Variants in IQCN observed in about 807,000 individuals in gnomAD.
The protein encoded by IQCN is IQ motif containing N.
A neutral mutation model predicts 64.4 loss-of-function variants in IQCN; 46 were observed. The ratio of observed to expected loss-of-function variants is 0.71; its 90% confidence interval spans 0.56 to 0.91. The LOEUF is 0.91. Ranked by LOEUF, IQCN falls within the 40% of genes least tolerant of loss-of-function variation. The pLI is 0.00. For synonymous variants in IQCN, 733 were observed against 775.6 expected, an observed-to-expected ratio of 0.95 and a Z score of 0.91; for missense variants, 1,753 against 1,857.4, an observed-to-expected ratio of 0.94 and a Z score of 1.03.
chr19:18,257,484 A>T lies in IQCN; in HGVS notation c.3800T>A (p.Val1267Glu). The change falls in exon 4 of 4, where the codon GTG (valine) becomes GAG (glutamate). Residue 1267 changes from valine to glutamate, a missense_variant. Physicochemically the swap from Val to Glu is moderately radical, Grantham distance 121. Coordinates refer to ENST00000392413, the MANE Select transcript of IQCN (RefSeq NM_001145304.2). Reference protein sequence around the residue: ...HTCGRTQPTRVVQGMGQGTEG... With the variant: ...HTCGRTQPTREVQGMGQGTEG... Reference sequence around the variant, plus strand: ...AGTGCCCTGGCCCATGCCCTGCACCACACGGGTGGGCTGTGTGCGTCCACA... The same window carrying T: ...AGTGCCCTGGCCCATGCCCTGCACCTCACGGGTGGGCTGTGTGCGTCCACA... The T allele has an allele frequency of 6.2e-7, 1 of 1,608,548 alleles. No homozygotes were observed. Among genetic ancestry groups the T allele is most frequent in the Non-Finnish European group, 8.5e-7 (1 of 1,177,730 alleles).
At chr19:18,258,324 A>T (rs1969359293) in intron 3 of IQCN, 1 of 702,964 alleles carries the variant, frequency 1.4e-6, no homozygotes, top group Non-Finnish European at 2.6e-6. Context: ...GACGGGCCTT[A>T]CCTCTGCAGA....
At position 18,257,216 on chromosome 19, in the gene IQCN, C is replaced by T. The variant is rs150406185; in HGVS notation, c.4068G>A (p.Ser1356=). ...GCCAATGCATGTGCCGTGAGCTGGC[C>T]GAGGGGTCTGCTGGTCCCAAGAGCG... ...TEALLGPADP[S]ASSRHMHWPG... is the part of the protein sequence containing the mutation. The change falls in exon 4 of 4, where the codon TCG becomes TCA. Residue 1356 remains serine, a synonymous_variant. Coordinates refer to ENST00000392413, the MANE Select transcript of IQCN (RefSeq NM_001145304.2). 2.3e-5 allele frequency: 37 copies of T among 1,613,594 alleles called. No homozygotes were observed. The highest frequency in any genetic ancestry group is 5.3e-5 in the African/African-American group (4 of 75,072).
intron 3 of IQCN, chr19:18,258,711 C>T (rs1969367467): frequency 9.2e-6 from 3 of 324,642 alleles, no homozygotes; most frequent in Admixed American, 4.3e-5. Flanking sequence ...AGTACTGCCA[C>T]GGGCCAGCTG....
rs1281051617 is a variant in IQCN, at chr19:18,265,607, G to A, written c.1933C>T (p.Pro645Ser). ...ATGTCTACAGGCACATACACGTGAG[G>A]TGGCTTGTCCCCTTCCTCAGCAACT... ...TKVAEEGDKP[P>S]HVYVPVDMAV... is the part of the protein sequence containing the mutation. Residue 645 changes from proline (P) to serine (S), a missense_variant, in exon 3 of 4, where the codon CCT becomes TCT. By Grantham distance (74) the Pro-to-Ser change is moderately conservative. Transcript: ENST00000392413. The surrounding 1 kb of genome is among the most constrained non-coding windows in gnomAD (Gnocchi z 4.7). 1.2e-6 allele frequency: 2 copies of A among 1,613,972 alleles called. No homozygotes were observed. Among genetic ancestry groups the A allele is most frequent in the South Asian group, 1.1e-5 (1 of 91,078 alleles).
At position 18,257,451 on chromosome 19, in the gene IQCN, G is replaced by A. The variant is rs1969320683; in HGVS notation, c.3833C>T (p.Pro1278Leu). The change falls in exon 4 of 4, where the codon CCC (proline) becomes CTC (leucine). Residue 1278 changes from proline (P) to leucine (L), a missense_variant. Physicochemically the swap from Pro to Leu is moderately conservative, Grantham distance 98. Coordinates refer to ENST00000392413, the MANE Select transcript of IQCN (RefSeq NM_001145304.2). ...VQGMGQGTEGPGAVSWASAYQ... is the reference protein window; with the variant it reads ...VQGMGQGTEGLGAVSWASAYQ... ...GGCGGAGGCCCAAGACACTGCCCCG[G>A]GGCCCTCAGTGCCCTGGCCCATGCC... 2 of 1,608,630 alleles carry A rather than the reference G, an allele frequency of 1.2e-6. No individual in the cohort carries two copies. The highest frequency in any genetic ancestry group is 1.7e-6 in the Non-Finnish European group (2 of 1,178,350).
At chr19:18,269,376 A>T in intron 2 of IQCN, 90 bp downstream of exon 2, 1 of 1,370,496 alleles carries the variant, frequency 7.3e-7, no homozygotes, top group Admixed American at 1.7e-5. Context: ...ACCCTGATGC[A>T]TAGCCTGGAG....
Position 18,257,953 on chromosome 19 carries a change from C to T in IQCN, c.3331G>A (p.Glu1111Lys). Residue 1111 changes from glutamate to lysine, a missense_variant, in exon 4 of 4, where the codon GAG becomes AAG. Transcript: ENST00000392413. The part of the protein sequence containing the change: ...EPMVSMQAAE[E>K]IRILAVITIQ... The stretch of plus-strand genomic sequence containing the variant: ...GTGATCACTGCGAGGATGCGGATCT[C>T]CTCTGCAGCCTGCATGGACACCATT... 1.2e-6 allele frequency: 2 copies of T among 1,612,906 alleles called. No individual in the cohort carries two copies. The highest frequency in any genetic ancestry group is 1.1e-5 in the South Asian group (1 of 91,082).
chr19:18,266,021 G>T lies in IQCN; in HGVS notation c.1519C>A (p.Gln507Lys). The T allele has an allele frequency of 1.2e-6, 2 of 1,614,184 alleles. No individual in the cohort carries two copies. The highest frequency in any genetic ancestry group is 1.3e-5 in the African/African-American group (1 of 75,052). The change falls in exon 3 of 4, where the codon CAG (glutamine) becomes AAG (lysine). Residue 507 changes from glutamine (Q) to lysine (K), a missense_variant. By Grantham distance (53) the Gln-to-Lys change is moderately conservative (BLOSUM62 1). Coordinates refer to ENST00000392413, the MANE Select transcript of IQCN (RefSeq NM_001145304.2). This position sits in a 1 kb window ranked among gnomAD's most constrained non-coding sequence, Gnocchi z 4.3. ...AGGATGGTGGCCACCGAGCGTAACT[G>T]GGCTGGGGTCTTGGTTATCATGGCT... ...LPAMITKTPA[Q>K]LRSVATILKT... is the part of the protein sequence containing the mutation.
rs1969341282 is a variant in IQCN, at chr19:18,257,879, C to T, written c.3405G>A (p.Leu1135=). ...GGATGACCATGGCCCCCCGGTGCCA[C>T]AGCCGGATCCTGCGACGCGCCAGGT... is the stretch of plus-strand genomic sequence containing the variant. The part of the protein sequence containing the change: ...RGYLARRRIR[L]WHRGAMVIQA... Residue 1135 remains leucine (L), a synonymous_variant, in exon 4 of 4, where the codon CTG becomes CTA. Transcript: ENST00000392413. 2.5e-6 allele frequency: 4 copies of T among 1,612,336 alleles called. No individual in the cohort carries two copies. Among genetic ancestry groups the T allele is most frequent in the Non-Finnish European group, 3.4e-6 (4 of 1,179,914 alleles).
chr19:18,269,364 C>A, intron 2 of IQCN, 102 bp downstream of exon 2: 2 of 1,214,512 alleles, frequency 1.6e-6, no homozygotes, highest in Non-Finnish European at 2.4e-6. Flanking sequence ...CACTGTCAAG[C>A]CACCCTGATG....
Position 18,264,406 on chromosome 19 carries a change from G to T in IQCN, c.3134C>A (p.Ala1045Glu). Residue 1045 changes from alanine to glutamate, a missense_variant, in exon 3 of 4, where the codon GCA (alanine) becomes GAA (glutamate). By Grantham distance (107) the Ala-to-Glu change is moderately radical (BLOSUM62 -1). Transcript: ENST00000392413. This position sits in a 1 kb window ranked among gnomAD's most constrained non-coding sequence, Gnocchi z 4.3. ...KVACRRSPSA[A>E]WGPSLGPVRP... ...CACGGGGCCCAGGGAGGGCCCCCAT[G>T]CGGCCGATGGACTCCTCCTGCAGGC... 6.5e-7 allele frequency: 1 copy of T among 1,531,708 alleles called. No individual in the cohort carries two copies. The highest frequency in any genetic ancestry group is 8.8e-7 in the Non-Finnish European group (1 of 1,136,598). The allele number at this position is 1,531,708 out of a possible 1,614,324, so 94.9% of individuals were successfully genotyped here.
At chr19:18,274,275 G>A (rs1298581223) in intron 1 of IQCN, 128 bp downstream of exon 1, 1 of 141,624 alleles carries the variant, frequency 7.1e-6, no homozygotes, top group Non-Finnish European at 1.6e-5. Context: ...TAAAGGCACT[G>A]GGGGCCAGAG....
chr19:18,272,767 C>T (rs1023834356), intron 1 of IQCN, among the ~76,000 whole-genome samples: 2 of 151,944 alleles, frequency 1.3e-5, no homozygotes, highest in African/African-American at 2.4e-5. Flanking sequence ...CCTGCCACCA[C>T]GCCCAGTTAA....
Position 18,267,310 on chromosome 19 carries a change from C to A in IQCN, c.230G>T (p.Arg77Leu). 6.2e-7 allele frequency: 1 copy of A among 1,614,210 alleles called. No individual in the cohort carries two copies. The highest frequency in any genetic ancestry group is 8.5e-7 in the Non-Finnish European group (1 of 1,180,046). Reference sequence around the variant, plus strand: ...CACAGCCCGGAGGCGTGGGACGCGGCGGGACGCCGTCTTGCCTTCGGCAGG... The same window carrying A: ...CACAGCCCGGAGGCGTGGGACGCGGAGGGACGCCGTCTTGCCTTCGGCAGG... ...QQPAEGKTAS[R>L]RVPRLRAVVE... The change falls in exon 3 of 4, where the codon CGC becomes CTC. Residue 77 changes from arginine to leucine, a missense_variant. Physicochemically the swap from Arg to Leu is moderately radical, Grantham distance 102. Coordinates refer to ENST00000392413, the MANE Select transcript of IQCN (RefSeq NM_001145304.2).
At position 18,267,123 on chromosome 19, in the gene IQCN, G is replaced by A. The variant is rs1318602862; in HGVS notation, c.417C>T (p.Arg139=). The A allele has an allele frequency of 4.3e-6, 7 of 1,614,122 alleles. No individual in the cohort carries two copies. Among genetic ancestry groups the A allele is most frequent in the African/African-American group, 1.3e-5 (1 of 74,954 alleles). ...AAKAIQEAWR[R]FNKRHILHSS... is the part of the protein sequence containing the mutation. ...AGTGAAGGATGTGTCTCTTGTTGAA[G>A]CGCCGCCAGGCCTCCTGGATGGCCT... The change falls in exon 3 of 4, where the codon CGC becomes CGT. Residue 139 remains arginine, a synonymous_variant. Coordinates refer to ENST00000392413, the MANE Select transcript of IQCN (RefSeq NM_001145304.2).
At position 18,268,666 on chromosome 19, in the gene IQCN, A is replaced by G. The variant is rs138282709; in HGVS notation, c.13+800T>C. ...AACATGGTGAAACCCGTCTCTACTAAAAATACAGAAAAGTAGGCCAGGCAC... is the reference window on the plus strand; with the variant it reads ...AACATGGTGAAACCCGTCTCTACTAGAAATACAGAAAAGTAGGCCAGGCAC... On this transcript the variant is annotated intron_variant, in intron 2 of 3. Coordinates refer to ENST00000392413, the MANE Select transcript of IQCN (RefSeq NM_001145304.2). Among the ~76,000 whole-genome samples, 31 of 151,904 alleles carry G rather than the reference A, an allele frequency of 2.0e-4. No individual in the cohort carries two copies. In the East Asian group the frequency reaches 6.0e-3, roughly 29 times the overall value.
intron 1 of IQCN, among the ~76,000 whole-genome samples, chr19:18,270,830 CAA>C (rs55706433): frequency 0.04 from 4,303 of 107,002 alleles, 196 homozygotes; most frequent in African/African-American, 0.13. Flanking sequence ...GACCCTGTCT[CAA>C]AAAAAAAAAA....
intron 2 of IQCN, among the ~76,000 whole-genome samples, chr19:18,269,208 C>T (rs1026864208): frequency 2.8e-4 from 42 of 151,686 alleles, no homozygotes; most frequent in African/African-American, 9.7e-4. Context: ...AAGAGATAAC[C>T]CAACAGGAGG....
At chr19:18,270,382 G>A (rs984006350) in intron 1 of IQCN, among the ~76,000 whole-genome samples, 5 of 148,462 alleles carry the variant, frequency 3.4e-5, no homozygotes, top group Admixed American at 1.4e-4. Flanking sequence ...AAAATAGGCC[G>A]GGCACAGTGG....
Sources: gnomAD v4.1 joint callset for allele counts (sites outside exome capture counted in the v4.1 genomes callset) on GRCh38, gnomAD v4.1.1 for gene constraint, Gnocchi (gnomAD v3.1) non-coding constraint, MANE v1.5 for transcripts, NCBI Gene and HGNC (gene_info 2026-07-23, HGNC 2026-07-21) for gene names.